Variants in TGFBRAP1 observed in about 807,000 individuals in gnomAD.
TGFBRAP1 encodes transforming growth factor beta receptor associated protein 1, also known as transforming growth factor-beta receptor-associated protein 1.
Under a neutral mutation model 83.2 loss-of-function variants are expected in TGFBRAP1, and 20 were observed. The ratio of observed to expected loss-of-function variants is 0.24; its 90% CI spans 0.17 to 0.35. The LOEUF (loss-of-function observed/expected upper bound fraction) is 0.35, where lower values mean the gene tolerates loss of function less well. Among genes scored for constraint, TGFBRAP1 ranks in the 10% least tolerant of loss-of-function variants. The probability of loss-of-function intolerance (pLI) is 1.00; values close to 1 mark genes in which losing one functional copy is unlikely to be tolerated. For synonymous variants in TGFBRAP1, 415 were observed against 459.8 expected, an observed-to-expected ratio of 0.90 and a Z score of 1.25; for missense variants, 950 against 1,099.4, an observed-to-expected ratio of 0.86 and a Z score of 1.92.
intron 2 of TGFBRAP1, among the ~76,000 whole-genome samples, chr2:105,304,962 C>A (rs1269908492): frequency 3.3e-5 from 5 of 152,142 alleles, no homozygotes; most frequent in Non-Finnish European, 7.3e-5. Flanking sequence ...AGGTGGAGCA[C>A]AAAGGACTTT....
At chr2:105,296,250 T>C (rs1157595195) in intron 4 of TGFBRAP1, 106 bp downstream of exon 4, 1 of 1,333,404 alleles carries the variant, frequency 7.5e-7, no homozygotes, top group African/African-American at 1.5e-5. Flanking sequence ...ATAAAAGCAG[T>C]GTGTACAGCC....
chr2:105,274,706 A>G (rs1158609112), intron 8 of TGFBRAP1, among the ~76,000 whole-genome samples: 1 of 152,236 alleles, frequency 6.6e-6, no homozygotes, highest in African/African-American at 2.4e-5. Flanking sequence ...ATGGAGAAAC[A>G]AGTATGCAAA....
intron 1 of TGFBRAP1, among the ~76,000 whole-genome samples, chr2:105,329,312 C>T (rs1679303165): frequency 6.6e-6 from 1 of 152,072 alleles, no homozygotes; most frequent in Non-Finnish European, 1.5e-5. Context: ...AACATACACA[C>T]TTGACCCCAC....
At chr2:105,290,127 C>T (rs1677853640) in intron 4 of TGFBRAP1, among the ~76,000 whole-genome samples, 2 of 152,208 alleles carry the variant, frequency 1.3e-5, no homozygotes, top group Admixed American at 6.5e-5. Flanking sequence ...GGTGCAGTGG[C>T]ACAATCTTGG....
intron 3 of TGFBRAP1, among the ~76,000 whole-genome samples, chr2:105,297,865 T>C (rs908875964): frequency 6.6e-6 from 1 of 152,238 alleles, no homozygotes; most frequent in African/African-American, 2.4e-5. Flanking sequence ...GCGTTGAATC[T>C]AGGTGAAAGG....
intron 4 of TGFBRAP1, among the ~76,000 whole-genome samples, chr2:105,286,122 G>A (rs1421527814): frequency 1.3e-5 from 2 of 152,148 alleles, no homozygotes; most frequent in East Asian, 3.9e-4. Context: ...TCCTCTATCT[G>A]CAGGGAAATG....
At chr2:105,281,427 C>T (rs1348587061) in intron 5 of TGFBRAP1, among the ~76,000 whole-genome samples, 1 of 152,154 alleles carries the variant, frequency 6.6e-6, no homozygotes, top group African/African-American at 2.4e-5. Context: ...AAGCAGGGGC[C>T]ACCCCACCCC....
rs137960185 is a variant in TGFBRAP1, at chr2:105,311,157, A to C, written c.-17-2839T>G. The stretch of plus-strand genomic sequence containing the variant: ...GGAGAGAGAGCTGTAAAAAAAAAAA[A>C]AAAACAAAAAACAAAAAAACATATG... On this transcript the variant is annotated intron_variant, in intron 1 of 11. Transcript: ENST00000393359. 8.1e-4 allele frequency among the ~76,000 whole-genome samples: 117 copies of C among 144,370 alleles called. 1 individual carries two copies. Among genetic ancestry groups the C allele is most frequent in the African/African-American group, 2.8e-3 (115 of 40,880 alleles). 94.7% of individuals were successfully genotyped at this position (144,370 alleles called of 152,430 possible).
In TGFBRAP1 at chr2:105,264,562, T is replaced by C. The variant is rs905136380; in HGVS notation, c.*2821A>G. 3 of 152,256 alleles carry C rather than the reference T, an allele frequency of 2.0e-5. No homozygotes were observed. Among genetic ancestry groups the C allele is most frequent in the African/African-American group, 7.2e-5 (3 of 41,472 alleles). The allele number at this position is 152,256 out of a possible 1,614,324, so 9.4% of individuals were successfully genotyped here. ...ATAAAGTTGCAAGGACAAAGGTTTC[T>C]GTGGGAGAGCAAGCAAAAAGCAAGG... On this transcript the variant is annotated 3_prime_UTR_variant, in exon 12 of 12. Transcript: ENST00000393359.
chr2:105,329,372 C>A (rs1055404243), intron 1 of TGFBRAP1, among the ~76,000 whole-genome samples: 2 of 152,032 alleles, frequency 1.3e-5, no homozygotes, highest in African/African-American at 4.8e-5. Context: ...TTTGCTCACC[C>A]CAGCAGGCTA....
chr2:105,320,589 T>G (rs1036059236), intron 1 of TGFBRAP1, among the ~76,000 whole-genome samples: 1 of 152,190 alleles, frequency 6.6e-6, no homozygotes, highest in African/African-American at 2.4e-5. Context: ...GCCCAAAAGA[T>G]AAACTCCAGA....
intron 4 of TGFBRAP1, among the ~76,000 whole-genome samples, chr2:105,295,715 G>A (rs972538600): frequency 6.6e-6 from 1 of 150,986 alleles, no homozygotes; most frequent in African/African-American, 2.4e-5. Flanking sequence ...GGAGGCTGAG[G>A]CAGGAGAATC....
chr2:105,272,856 G>T lies in TGFBRAP1; in HGVS notation c.1971C>A (p.Leu657=). ...KSDLYRVHFL[L]ERLQGAGLPM... Reference sequence around the variant, plus strand: ...AGACAATACTGAGATCATCCTCACCGAGAAGAAAGTGGACTCGGTATAAAT... The same window carrying T: ...AGACAATACTGAGATCATCCTCACCTAGAAGAAAGTGGACTCGGTATAAAT... Residue 657 remains leucine, a splice_region_variant and synonymous_variant, in exon 10 of 12, where the codon CTC becomes CTA. Coordinates refer to ENST00000393359, the MANE Select transcript of TGFBRAP1 (RefSeq NM_004257.6). 6.2e-7 allele frequency: 1 copy of T among 1,606,872 alleles called. No individual in the cohort carries two copies.
At chr2:105,296,950 A>G (rs1678111517) in intron 3 of TGFBRAP1, among the ~76,000 whole-genome samples, 1 of 151,910 alleles carries the variant, frequency 6.6e-6, no homozygotes, top group African/African-American at 2.4e-5. Flanking sequence ...TTTTAATGTG[A>G]TATTTTGAAG....
intron 1 of TGFBRAP1, among the ~76,000 whole-genome samples, chr2:105,321,491 T>C (rs1313594198): frequency 5.3e-5 from 8 of 152,174 alleles, no homozygotes; most frequent in Non-Finnish European, 7.3e-5. Context: ...TTCAAGTTTC[T>C]ATTTTGCCAT....
At chr2:105,323,069 G>A (rs992429269) in intron 1 of TGFBRAP1, among the ~76,000 whole-genome samples, 1 of 152,158 alleles carries the variant, frequency 6.6e-6, no homozygotes, top group Admixed American at 6.5e-5. Flanking sequence ...TGAAGGAAAA[G>A]GGTGGTATGC....
intron 10 of TGFBRAP1, 144 bp downstream of exon 10, chr2:105,272,710 TA>T: frequency 1.2e-5 from 13 of 1,123,204 alleles, no homozygotes; most frequent in South Asian, 9.7e-5. Context: ...TGTCTTCATT[TA>T]AAAAAATCTT....
At chr2:105,270,944 T>C (rs973135977) in intron 10 of TGFBRAP1, among the ~76,000 whole-genome samples, 2 of 152,240 alleles carry the variant, frequency 1.3e-5, no homozygotes, top group East Asian at 3.8e-4. Context: ...TAGACTGACA[T>C]TTCCCCAAGT....
intron 1 of TGFBRAP1, among the ~76,000 whole-genome samples, chr2:105,316,956 G>A (rs903758047): frequency 2.0e-5 from 3 of 152,190 alleles, no homozygotes; most frequent in Admixed American, 6.5e-5. Flanking sequence ...CACGAGGACA[G>A]ACCTAGAGAA....
Sources: gnomAD v4.1 joint callset for allele counts (sites outside exome capture counted in the v4.1 genomes callset) on GRCh38, gnomAD v4.1.1 for gene constraint, MANE v1.5 for transcripts, NCBI Gene and HGNC (gene_info 2026-07-23, HGNC 2026-07-21) for gene names.